The following GIPC3 variants were observed in gnomAD, a reference collection of about 807,000 sequenced individuals.
The protein encoded by GIPC3 is PDZ domain-containing protein GIPC3.
A neutral mutation model predicts 27.3 loss-of-function variants in GIPC3; 16 were observed. The observed-to-expected ratio is 0.59, with a 90% CI of 0.40 to 0.89. The LOEUF is 0.89. Ranked by LOEUF, GIPC3 falls within the 40% of genes least tolerant of loss-of-function variation. The pLI is 0.00. For synonymous variants in GIPC3, 194 were observed against 184.6 expected (o/e 1.05, Z -0.41); for missense variants, 440 against 442.1 (o/e 1.00, Z 0.04).
intron 3 of GIPC3, among the ~76,000 whole-genome samples, chr19:3,587,430 C>T (rs1168414624): frequency 6.6e-6 from 1 of 151,838 alleles, no homozygotes; most frequent in Non-Finnish European, 1.5e-5. Flanking sequence ...TACAGGCACC[C>T]ACCATTGCGC....
chr19:3,586,868 A>G lies in GIPC3; in HGVS notation c.466A>G (p.Ser156Gly). The change falls in exon 3 of 6, where the codon AGC (serine) becomes GGC (glycine). Residue 156 changes from serine (S) to glycine (G), a missense_variant. By Grantham distance (56) the Ser-to-Gly change is moderately conservative. Transcript: ENST00000644452. ...NRIEAVCVGD[S>G]IEAINDHSIV... ...GATCGAGGCAGTGTGCGTGGGTGAC[A>G]GCATCGAAGCCATCAACGACCACTC... The G allele has an allele frequency of 6.2e-7, 1 of 1,613,548 alleles. No homozygotes were observed. The highest frequency in any genetic ancestry group is 8.5e-7 in the Non-Finnish European group (1 of 1,179,998).
chr19:3,588,503 C>T (rs1479076720), intron 3 of GIPC3, among the ~76,000 whole-genome samples: 1 of 151,888 alleles, frequency 6.6e-6, no homozygotes, highest in Non-Finnish European at 1.5e-5. Context: ...CTAGAATCTG[C>T]CCTGCCGTGG....
chr19:3,589,923 A>T lies in GIPC3; in HGVS notation c.787+11A>T. On this transcript the variant is annotated intron_variant, in intron 5 of 5. Transcript: ENST00000644452. ...GGGACCCCGAGCTGGGTAAGGGGCC[A>T]GGGTAAGCCAGGGGGCCCTGGGGGG... The T allele has an allele frequency of 6.2e-7, 1 of 1,613,724 alleles. No homozygotes were observed. Among genetic ancestry groups the T allele is most frequent in the Non-Finnish European group, 8.5e-7 (1 of 1,179,988 alleles).
intron 3 of GIPC3, among the ~76,000 whole-genome samples, chr19:3,587,695 CT>C (rs1555704357): frequency 1.5e-5 from 2 of 131,208 alleles, no homozygotes; most frequent in Non-Finnish European, 3.2e-5. Context: ...CTTTTCTTTT[CT>C]TTTTTTTTTT....
At chr19:3,589,403 A>C in intron 3 of GIPC3, 40 bp from the exon 4 acceptor site, 1 of 1,471,098 alleles carries the variant, frequency 6.8e-7, no homozygotes. Flanking sequence ...ATGTGGCTCC[A>C]CCCAGAACCC....
chr19:3,587,547 G>A (rs1251054350), intron 3 of GIPC3, among the ~76,000 whole-genome samples: 6 of 152,248 alleles, frequency 3.9e-5, no homozygotes, highest in African/African-American at 1.4e-4. Context: ...CTCCCAAAAT[G>A]CTAGGATTAT....
rs530054328 is a variant in GIPC3 at position 3,592,249 on chromosome 19, G to A, written c.*2059G>A. 1.5e-5 allele frequency: 19 copies of A among 1,232,138 alleles called. No individual in the cohort carries two copies. The Admixed American group carries it at 7.2e-4, about 46-fold the overall frequency. 76.3% of individuals were successfully genotyped at this position (1,232,138 alleles called of 1,614,324 possible). On this transcript the variant is annotated 3_prime_UTR_variant, in exon 6 of 6. Transcript: ENST00000644452. Reference sequence around the variant, plus strand: ...CAATTCGCCTCTAAAACCCTGCCAGGTTCTAGATACCAGCTCCAGACCACA... The same window carrying A: ...CAATTCGCCTCTAAAACCCTGCCAGATTCTAGATACCAGCTCCAGACCACA...
At position 3,591,066 on chromosome 19, in the gene GIPC3, A is replaced by G. The variant is rs2145276772; in HGVS notation, c.*876A>G. ...CAGCATAGAGACCAAGCCGTGTTCT[A>G]GAATTCAGGCCACATCTGAAGCCAA... On this transcript the variant is annotated 3_prime_UTR_variant, in exon 6 of 6. Transcript: ENST00000644452. 8.1e-7 allele frequency: 1 copy of G among 1,233,318 alleles called. No individual in the cohort carries two copies. The highest frequency in any genetic ancestry group is 1.0e-6 in the Non-Finnish European group (1 of 989,014). The allele number at this position is 1,233,318 out of a possible 1,614,324, so 76.4% of individuals were successfully genotyped here.
chr19:3,587,839 C>G (rs1184526983), intron 3 of GIPC3, among the ~76,000 whole-genome samples: 1 of 148,156 alleles, frequency 6.7e-6, no homozygotes, highest in Non-Finnish European at 1.5e-5. Flanking sequence ...TACAGGCGCC[C>G]GCCACCACAC....
In GIPC3 at chr19:3,590,090, C is replaced by T; in HGVS notation, c.839C>T (p.Ala280Val). ...SKKTASAQEF[A>V]RCLDSVLGEF... Reference sequence around the variant, plus strand: ...AAGACAGCGAGCGCCCAGGAGTTTGCACGCTGTTTAGACTCCGTCTTGGGC... The same window carrying T: ...AAGACAGCGAGCGCCCAGGAGTTTGTACGCTGTTTAGACTCCGTCTTGGGC... Residue 280 changes from alanine to valine, a missense_variant, in exon 6 of 6, where the codon GCA becomes GTA. Transcript: ENST00000644452. The T allele has an allele frequency of 1.2e-6, 2 of 1,611,380 alleles. No homozygotes were observed. Among genetic ancestry groups the T allele is most frequent in the Non-Finnish European group, 1.7e-6 (2 of 1,179,002 alleles).
chr19:3,586,756 C>G (rs2145269823), intron 2 of GIPC3, 58 bp from the exon 3 acceptor site: 10 of 1,611,874 alleles, frequency 6.2e-6, no homozygotes, highest in Middle Eastern at 1.7e-4. Flanking sequence ...GACGTGGGTT[C>G]TGCGGATTGG....
In GIPC3 at chr19:3,589,534, G is replaced by A. The variant is rs750168561; in HGVS notation, c.684G>A (p.Gly228=). Residue 228 remains glycine, a synonymous_variant, in exon 4 of 6, where the codon GGG becomes GGA. Coordinates refer to ENST00000644452, the MANE Select transcript of GIPC3 (RefSeq NM_133261.3). ...GRETLRLRSG[G]AATVEEAPSE... ...AGACCCTGCGGCTTCGTTCTGGGGG[G>A]GCTGCCACAGTGGAGGAAGCGGTGA... 13 of 1,613,736 alleles carry A rather than the reference G, an allele frequency of 8.1e-6. No homozygotes were observed. Among genetic ancestry groups the A allele is most frequent in the South Asian group, 2.2e-5 (2 of 91,086 alleles).
At position 3,592,672 on chromosome 19, in the gene GIPC3, C is replaced by T. The variant is rs962950477; in HGVS notation, c.*2482C>T. ...TCAAGAATTCAGCCCGACTCTGGAG[C>T]CCAACTTAGTTCCAGAACCCAGTCC... is the stretch of plus-strand genomic sequence containing the variant. On this transcript the variant is annotated 3_prime_UTR_variant, in exon 6 of 6. Transcript: ENST00000644452. 31 of 1,231,972 alleles carry T rather than the reference C, an allele frequency of 2.5e-5. No individual in the cohort carries two copies. In the African/African-American group the frequency reaches 4.3e-4, roughly 17 times the overall value. The allele number at this position is 1,231,972 out of a possible 1,614,324, so 76.3% of individuals were successfully genotyped here.
intron 3 of GIPC3, among the ~76,000 whole-genome samples, chr19:3,588,636 G>A (rs1247677278): frequency 2.8e-5 from 3 of 108,362 alleles, no homozygotes; most frequent in Non-Finnish European, 5.0e-5. Flanking sequence ...GTGATCCATC[G>A]TATCAAAAAA....
At position 3,592,916 on chromosome 19, in the gene GIPC3, C is replaced by T. The variant is rs1374307030; in HGVS notation, c.*2726C>T. 10 of 1,231,402 alleles carry T rather than the reference C, an allele frequency of 8.1e-6. No homozygotes were observed. The highest frequency in any genetic ancestry group is 4.2e-5 in the Admixed American group (1 of 23,692). The allele number at this position is 1,231,402 out of a possible 1,614,324, so 76.3% of individuals were successfully genotyped here. On this transcript the variant is annotated 3_prime_UTR_variant, in exon 6 of 6. Transcript: ENST00000644452. ...TCCAGCTTGAGGCCCCTGCCCCAGC[C>T]CAACCTCAGCCCCCAGGCCCATCCC...
intron 1 of GIPC3, among the ~76,000 whole-genome samples, 156 bp downstream of exon 1, chr19:3,585,978 G>A (rs942595594): frequency 3.3e-5 from 5 of 152,198 alleles, no homozygotes; most frequent in Admixed American, 2.0e-4. Context: ...CTCAGATCCC[G>A]GGGTGCCACA....
At position 3,592,878 on chromosome 19, in the gene GIPC3, C is replaced by A; in HGVS notation, c.*2688C>A. On this transcript the variant is annotated 3_prime_UTR_variant, in exon 6 of 6. Transcript: ENST00000644452. ...TGGAATCTGCCCACAGACCCCTGGC[C>A]TTGACCCTAGAATCCAGCTTGAGGC... 1 of 1,232,228 alleles carries A rather than the reference C, an allele frequency of 8.1e-7. No homozygotes were observed. The highest frequency in any genetic ancestry group is 1.0e-6 in the Non-Finnish European group (1 of 988,124). 76.3% of individuals were successfully genotyped at this position (1,232,228 alleles called of 1,614,324 possible). A position where few individuals can be genotyped will look rare whatever the true frequency, so the allele number is the denominator to read the frequency against.
intron 3 of GIPC3, among the ~76,000 whole-genome samples, chr19:3,588,899 GTGCCAT>G (rs1471123270): frequency 6.6e-6 from 1 of 151,098 alleles, no homozygotes; most frequent in Non-Finnish European, 1.5e-5. Context: ...AGCCGAGATC[GTGCCAT>G]TGCACTCTAG....
At position 3,590,486 on chromosome 19, in the gene GIPC3, C is replaced by A; in HGVS notation, c.*296C>A. On this transcript the variant is annotated 3_prime_UTR_variant, in exon 6 of 6. Transcript: ENST00000644452. ...AGCCCAGCTCTAGAACTCAGATGAGCTTTGAGACCATGCCCAGCACTGAGA... is the reference window on the plus strand; with the variant it reads ...AGCCCAGCTCTAGAACTCAGATGAGATTTGAGACCATGCCCAGCACTGAGA... 1.4e-6 allele frequency: 2 copies of A among 1,416,118 alleles called. No homozygotes were observed. Among genetic ancestry groups the A allele is most frequent in the Admixed American group, 3.0e-5 (1 of 32,890 alleles). The allele number at this position is 1,416,118 out of a possible 1,614,324, so 87.7% of individuals were successfully genotyped here. A position where few individuals can be genotyped will look rare whatever the true frequency, so the allele number is the denominator to read the frequency against.
Sources: allele counts gnomAD v4.1 joint callset (sites outside exome capture counted in the v4.1 genomes callset), GRCh38; gene constraint gnomAD v4.1.1; transcripts MANE v1.5; gene names NCBI Gene and HGNC (gene_info 2026-07-23, HGNC 2026-07-21).